The following C3orf20 variants were observed in gnomAD, a reference collection of about 807,000 sequenced individuals.
C3orf20 encodes the protein family with sequence similarity 149 member C.
C3orf20 carries 76 observed loss-of-function variants against 88.3 expected under a neutral mutation model. The ratio of observed to expected loss-of-function variants is 0.86; its 90% confidence interval spans 0.72 to 1.04. The LOEUF is 1.04. Ranked by LOEUF, C3orf20 falls within the 50% of genes least tolerant of loss-of-function variation. C3orf20 has a pLI of 0.00. For synonymous variants in C3orf20, 436 were observed against 437.4 expected (o/e 1.00, Z 0.04); for missense variants, 1,056 against 1,123.3 (o/e 0.94, Z 0.86).
intron 12 of C3orf20, among the ~76,000 whole-genome samples, chr3:14,756,843 C>T (rs998892430): frequency 3.3e-5 from 5 of 152,156 alleles, no homozygotes; most frequent in Admixed American, 1.3e-4. Context: ...AGAAAGCCAC[C>T]GGAGGGTTTT....
chr3:14,712,078 A>G (rs2033761671), intron 7 of C3orf20, among the ~76,000 whole-genome samples: 1 of 152,012 alleles, frequency 6.6e-6, no homozygotes, highest in Non-Finnish European at 1.5e-5. Flanking sequence ...CTGAAGATGT[A>G]ATTTTTAAGA....
At chr3:14,771,601 C>T (rs570999786) in intron 15 of C3orf20, among the ~76,000 whole-genome samples, 77 of 152,364 alleles carry the variant, frequency 5.1e-4, no homozygotes, top group African/African-American at 1.8e-3. Context: ...GACCCACCCT[C>T]CTCCAGTATG....
At chr3:14,676,042 T>G (rs1409837824) in intron 1 of C3orf20, among the ~76,000 whole-genome samples, 1 of 152,046 alleles carries the variant, frequency 6.6e-6, no homozygotes, top group South Asian at 2.1e-4. Context: ...AAAGCTCACA[T>G]GCTTAGTAAC....
At chr3:14,711,050 T>TG (rs1559412863) in intron 7 of C3orf20, among the ~76,000 whole-genome samples, 1 of 152,096 alleles carries the variant, frequency 6.6e-6, no homozygotes, top group Non-Finnish European at 1.5e-5. Context: ...TGCACCACCA[T>TG]GCCTGGCTAA....
intron 12 of C3orf20, among the ~76,000 whole-genome samples, chr3:14,729,777 C>T (rs13080806): frequency 0.27 from 40,356 of 152,124 alleles, 5,452 homozygotes; most frequent in South Asian, 0.37. Flanking sequence ...AACTCCTGAC[C>T]TCATGTGATC....
Position 14,690,012 on chromosome 3 carries a change from T to C in C3orf20, c.641T>C (p.Met214Thr), listed in dbSNP as rs757046631. The change falls in exon 5 of 17, where the codon ATG becomes ACG. Residue 214 changes from methionine to threonine, a missense_variant. Coordinates refer to ENST00000253697, the MANE Select transcript of C3orf20 (RefSeq NM_032137.5). ...CCCACTCCAGAGTCCCTCGCAAACA[T>C]GTCCGCCATTGGGGTGAACTCGCCT... ...GQLWKESLAN[M>T]SAIGVNSPYQ... 11 of 1,614,214 alleles carry C rather than the reference T, an allele frequency of 6.8e-6. No homozygotes were observed. The highest frequency in any genetic ancestry group is 8.5e-6 in the Non-Finnish European group (10 of 1,180,024).
At chr3:14,725,990 GAA>G (rs2034332079) in intron 10 of C3orf20, among the ~76,000 whole-genome samples, 1 of 152,176 alleles carries the variant, frequency 6.6e-6, no homozygotes, top group South Asian at 2.1e-4. Context: ...TTCCTAGAGA[GAA>G]AGACCGAATA....
chr3:14,760,035 C>G (rs572441711), intron 14 of C3orf20, 37 bp downstream of exon 14: 1 of 1,476,838 alleles, frequency 6.8e-7, no homozygotes, highest in East Asian at 2.3e-5. Flanking sequence ...CTGCCTGCCA[C>G]CCCAGCCGCA....
intron 5 of C3orf20, 114 bp downstream of exon 5, chr3:14,690,230 A>G: frequency 7.0e-7 from 1 of 1,426,300 alleles, no homozygotes; most frequent in South Asian, 1.3e-5. Flanking sequence ...TCTTCTGATT[A>G]GAAGGATACA....
intron 12 of C3orf20, among the ~76,000 whole-genome samples, chr3:14,749,627 T>C (rs558851262): frequency 2.0e-5 from 3 of 152,370 alleles, no homozygotes; most frequent in South Asian, 4.1e-4. Context: ...TTCTGCCATC[T>C]TGCTGTTAGT....
intron 10 of C3orf20, chr3:14,722,347 G>A (rs779659074): frequency 2.5e-6 from 1 of 400,684 alleles, no homozygotes; most frequent in Non-Finnish European, 5.1e-6. Flanking sequence ...CTGTGGCCAG[G>A]AGTATGTATT....
chr3:14,718,386 CTTAG>C (rs1318526141), intron 9 of C3orf20, among the ~76,000 whole-genome samples: 3 of 152,092 alleles, frequency 2.0e-5, no homozygotes, highest in South Asian at 2.1e-4. Flanking sequence ...AGAATTTCCA[CTTAG>C]TTACTTTTAT....
intron 5 of C3orf20, among the ~76,000 whole-genome samples, chr3:14,692,753 A>C (rs144130952): frequency 6.6e-6 from 1 of 151,990 alleles, no homozygotes; most frequent in Non-Finnish European, 1.5e-5. Context: ...TGATTTGTCC[A>C]TTTTTGTTTT....
At chr3:14,684,455 A>T in intron 4 of C3orf20, 73 bp downstream of exon 4, 3 of 1,550,384 alleles carry the variant, frequency 1.9e-6, no homozygotes, top group Non-Finnish European at 2.6e-6. Flanking sequence ...GAAAGGCAAA[A>T]CCCCCAGTTT....
At chr3:14,720,578 TG>T (rs1160457693) in intron 9 of C3orf20, among the ~76,000 whole-genome samples, 1 of 143,968 alleles carries the variant, frequency 6.9e-6, no homozygotes, top group East Asian at 1.9e-4. Context: ...TTGTTGTTGT[TG>T]TTGTTTTTGG....
intron 12 of C3orf20, among the ~76,000 whole-genome samples, chr3:14,753,572 G>A (rs2125025525): frequency 6.6e-6 from 1 of 152,264 alleles, no homozygotes; most frequent in Middle Eastern, 3.4e-3. Flanking sequence ...ACAGTTTCTA[G>A]TAAATTTTTT....
At chr3:14,689,689 C>T (rs2032616778) in intron 4 of C3orf20, among the ~76,000 whole-genome samples, 1 of 151,938 alleles carries the variant, frequency 6.6e-6, no homozygotes, top group Non-Finnish European at 1.5e-5. Context: ...TGGTGCAGCA[C>T]TGATACCTGC....
intron 7 of C3orf20, among the ~76,000 whole-genome samples, chr3:14,712,176 GCGCGCGCACACA>G (rs1559413672): frequency 1.3e-5 from 1 of 76,322 alleles, no homozygotes; most frequent in Non-Finnish European, 2.8e-5. Flanking sequence ...ACACACACGC[GCGCGCGCACACA>G]CACACACACA....
At chr3:14,711,287 A>G (rs1260221824) in intron 7 of C3orf20, among the ~76,000 whole-genome samples, 1 of 152,134 alleles carries the variant, frequency 6.6e-6, no homozygotes, top group Non-Finnish European at 1.5e-5. Flanking sequence ...ATTTTTGTAG[A>G]ACTATTTCTT....
Sources: allele counts gnomAD v4.1 joint callset (sites outside exome capture counted in the v4.1 genomes callset), GRCh38; gene constraint gnomAD v4.1.1; transcripts MANE v1.5; gene names NCBI Gene and HGNC (gene_info 2026-07-23, HGNC 2026-07-21).